Variants in ADAMTS6 observed in about 807,000 individuals in gnomAD.
The protein encoded by ADAMTS6 is ADAM metallopeptidase with thrombospondin type 1 motif 6, also known as A disintegrin and metalloproteinase with thrombospondin motifs 6.
Under a neutral mutation model 144.3 loss-of-function variants are expected in ADAMTS6, and 23 were observed. The observed-to-expected ratio is 0.16, with a 90% confidence interval of 0.11 to 0.23. ADAMTS6 has a LOEUF of 0.23. Among genes scored for constraint, ADAMTS6 ranks in the 10% least tolerant of loss-of-function variants. The pLI, the probability that ADAMTS6 is intolerant of heterozygous loss-of-function variation, is 1.00. For synonymous variants in ADAMTS6, 444 were observed against 457.5 expected (o/e 0.97, Z 0.38); for missense variants, 999 against 1,379.6 (o/e 0.72, Z 4.37).
At chr5:65,325,974 A>G (rs1746127667) in intron 9 of ADAMTS6, among the ~76,000 whole-genome samples, 1 of 152,192 alleles carries the variant, frequency 6.6e-6, no homozygotes, top group Non-Finnish European at 1.5e-5. Flanking sequence ...ACACATCATC[A>G]AGATAATAAA....
At chr5:65,398,788 GAAAGAAA>G (rs1753597556) in intron 7 of ADAMTS6, among the ~76,000 whole-genome samples, 1 of 20,378 alleles carries the variant, frequency 4.9e-5, no homozygotes, top group Non-Finnish European at 9.7e-5. Context: ...GAGCAAGAAA[GAAAGAAA>G]GAAAGAAAGA....
chr5:65,291,195 C>T, intron 11 of ADAMTS6, 134 bp downstream of exon 11: 1 of 996,344 alleles, frequency 1.0e-6, no homozygotes, highest in Non-Finnish European at 1.4e-6. Context: ...GTCAGAAAAA[C>T]TGCAGTGTCA....
intron 9 of ADAMTS6, among the ~76,000 whole-genome samples, chr5:65,316,863 G>A (rs1015173863): frequency 5.9e-5 from 9 of 151,508 alleles, no homozygotes; most frequent in Middle Eastern, 3.4e-3. Flanking sequence ...GTGCAATATC[G>A]CAATCTTGGC....
chr5:65,335,132 T>A (rs538737303), intron 7 of ADAMTS6, among the ~76,000 whole-genome samples: 1 of 152,288 alleles, frequency 6.6e-6, no homozygotes, highest in Non-Finnish European at 1.5e-5. Flanking sequence ...AAATTGTATA[T>A]TATAACCAGC....
intron 7 of ADAMTS6, among the ~76,000 whole-genome samples, chr5:65,420,507 G>C (rs963236496): frequency 6.6e-6 from 1 of 151,974 alleles, no homozygotes; most frequent in Non-Finnish European, 1.5e-5. Flanking sequence ...TCAGCCTCAC[G>C]AGTAGCCTGG....
intron 7 of ADAMTS6, among the ~76,000 whole-genome samples, chr5:65,423,880 A>G (rs1002467198): frequency 1.3e-5 from 2 of 152,140 alleles, no homozygotes; most frequent in Admixed American, 1.3e-4. Flanking sequence ...ACCATTTCAC[A>G]TTTTACAACT....
intron 15 of ADAMTS6, among the ~76,000 whole-genome samples, chr5:65,231,031 T>A (rs1381388395): frequency 6.6e-6 from 1 of 150,968 alleles, no homozygotes; most frequent in African/African-American, 2.4e-5. Flanking sequence ...TAGTAAGTAA[T>A]TATTGAAAAA....
rs1252569724 is a variant in ADAMTS6, at chr5:65,473,691, G to A, written c.-18C>T. On this transcript the variant is annotated 5_prime_UTR_variant, in exon 2 of 25. Coordinates refer to ENST00000381055, the MANE Select transcript of ADAMTS6 (RefSeq NM_197941.4). ...ATTTCCATAATTTAGAAAACTGGAT[G>A]ATTTTTTTGAGGGCTACCTATGTGC... is the stretch of plus-strand genomic sequence containing the variant. The A allele has an allele frequency of 2.5e-6, 4 of 1,596,860 alleles. No homozygotes were observed. Among genetic ancestry groups the A allele is most frequent in the Non-Finnish European group, 3.4e-6 (4 of 1,164,400 alleles).
chr5:65,261,108 A>C (rs982988848), intron 13 of ADAMTS6, among the ~76,000 whole-genome samples: 1 of 152,150 alleles, frequency 6.6e-6, no homozygotes, highest in Non-Finnish European at 1.5e-5. Context: ...GACAGGAAGC[A>C]AGGAGACATG....
Position 65,172,932 on chromosome 5 carries a change from G to T in ADAMTS6, c.2987C>A (p.Pro996Gln). The T allele has an allele frequency of 6.2e-7, 1 of 1,614,198 alleles. No individual in the cohort carries two copies. Among genetic ancestry groups the T allele is most frequent in the Non-Finnish European group, 8.5e-7 (1 of 1,180,032 alleles). The change falls in exon 23 of 25, where the codon CCA becomes CAA. Residue 996 changes from proline (P) to glutamine (Q), a missense_variant. By Grantham distance (76) the Pro-to-Gln change is moderately conservative. This residue lies in a region of ADAMTS6 where 619 missense variants were observed against 837.0 expected (regional missense o/e 0.74). Transcript: ENST00000381055. The stretch of plus-strand genomic sequence containing the variant: ...GCTTTCCTCTGGACATTGTGCAGCT[G>T]GGAATGTCTTAGAAAGGTCACTGCT... ...CKSSDLSKTFPAAQCPEESKP... is the reference protein window; with the variant it reads ...CKSSDLSKTFQAAQCPEESKP...
chr5:65,222,012 T>C (rs908394956), intron 18 of ADAMTS6, among the ~76,000 whole-genome samples: 4 of 152,194 alleles, frequency 2.6e-5, no homozygotes, highest in Admixed American at 6.5e-5. Context: ...AATCTTTTCA[T>C]GTATTAGAAA....
Position 65,197,162 on chromosome 5 carries a change from G to C in ADAMTS6, c.2576-11C>G. On this transcript the variant is annotated splice_polypyrimidine_tract_variant and intron_variant, in intron 20 of 24. Coordinates refer to ENST00000381055, the MANE Select transcript of ADAMTS6 (RefSeq NM_197941.4). ...CCTGTCTTTGGACACCTTGAGAAAAGGAGGACATCATTAATTGAAGAGAAG... is the reference window on the plus strand; with the variant it reads ...CCTGTCTTTGGACACCTTGAGAAAACGAGGACATCATTAATTGAAGAGAAG... 2 of 1,612,136 alleles carry C rather than the reference G, an allele frequency of 1.2e-6. No homozygotes were observed. Among genetic ancestry groups the C allele is most frequent in the Non-Finnish European group, 1.7e-6 (2 of 1,179,212 alleles).
chr5:65,211,493 T>G (rs1222975258), intron 20 of ADAMTS6, among the ~76,000 whole-genome samples: 5 of 151,934 alleles, frequency 3.3e-5, no homozygotes, highest in Non-Finnish European at 1.5e-5. Context: ...TCTGAGCTAC[T>G]TGGGAGGCTG....
intron 7 of ADAMTS6, among the ~76,000 whole-genome samples, chr5:65,342,890 G>C (rs950110618): frequency 3.9e-5 from 6 of 151,954 alleles, no homozygotes; most frequent in Non-Finnish European, 7.4e-5. Flanking sequence ...AAAATCAGTA[G>C]CATTTCTATA....
At chr5:65,385,613 CTTAAA>C (rs1752415674) in intron 7 of ADAMTS6, among the ~76,000 whole-genome samples, 1 of 151,956 alleles carries the variant, frequency 6.6e-6, no homozygotes, top group Admixed American at 6.6e-5. Context: ...ATTTTAATTT[CTTAAA>C]TTATTTACAT....
chr5:65,357,255 T>C (rs1265058499), intron 7 of ADAMTS6, among the ~76,000 whole-genome samples: 1 of 151,662 alleles, frequency 6.6e-6, no homozygotes, highest in African/African-American at 2.4e-5. Context: ...AAAAAATATC[T>C]TGAGACAAAT....
At chr5:65,463,082 A>C (rs994301158) in intron 3 of ADAMTS6, among the ~76,000 whole-genome samples, 1 of 151,930 alleles carries the variant, frequency 6.6e-6, no homozygotes, top group African/African-American at 2.4e-5. Flanking sequence ...CCGTCTAAAA[A>C]AAAAAAAAAA....
intron 15 of ADAMTS6, among the ~76,000 whole-genome samples, chr5:65,227,036 T>C (rs958058927): frequency 6.6e-6 from 1 of 152,238 alleles, no homozygotes; most frequent in African/African-American, 2.4e-5. Context: ...AATTTGTACC[T>C]GCCTTAAGCA....
At chr5:65,260,106 G>A (rs1761048697) in intron 14 of ADAMTS6, among the ~76,000 whole-genome samples, 1 of 152,130 alleles carries the variant, frequency 6.6e-6, no homozygotes, top group African/African-American at 2.4e-5. Flanking sequence ...TCAGAGAAGT[G>A]AGTATTAGGG....
Sources: allele counts gnomAD v4.1 joint callset (sites outside exome capture counted in the v4.1 genomes callset), GRCh38; gene constraint gnomAD v4.1.1; regional missense constraint gnomAD v4.1.1; transcripts MANE v1.5; gene names NCBI Gene and HGNC (gene_info 2026-07-23, HGNC 2026-07-21).